PAH: variants seen among roughly 807,000 people sequenced by gnomAD.
PAH encodes the protein phenylalanine hydroxylase.
A neutral mutation model predicts 62.0 loss-of-function variants in PAH; 64 were observed. The ratio of observed to expected loss-of-function variants is 1.03; its 90% CI spans 0.84 to 1.27. PAH has a LOEUF of 1.27. PAH is among the 50% of genes most tolerant of loss of function. PAH has a pLI of 0.00. For synonymous variants in PAH, 195 were observed against 196.2 expected (o/e 0.99, Z 0.05); for missense variants, 579 against 542.8 (o/e 1.07, Z -0.66).
chr12:102,913,583 G>A (rs7138986), intron 1 of PAH, among the ~76,000 whole-genome samples: 68,800 of 152,004 alleles, frequency 0.45, 18,185 homozygotes, highest in African/African-American at 0.73. Context: ...ATATTGAGAA[G>A]TATATAAAAA....
In PAH at chr12:102,897,465, G is replaced by GTGTATATATATA. The variant is rs1491228677; in HGVS notation, c.169-2548_169-2547insTATATATATACA. ...CTCTCATATATATGTGTGTGTGTGT[G>GTGTATATATATA]TATATATATATATATATATATATAT... On this transcript the variant is annotated intron_variant, in intron 2 of 12. Coordinates refer to ENST00000553106, the MANE Select transcript of PAH (RefSeq NM_000277.3). Among the ~76,000 whole-genome samples, 3 of 93,970 alleles carry GTGTATATATATA rather than the reference G, an allele frequency of 3.2e-5. No homozygotes were observed. In the East Asian group the frequency reaches 7.8e-4, roughly 24 times the overall value. The allele number at this position is 93,970 out of a possible 152,430, so 61.6% of individuals were successfully genotyped here. A position where few individuals can be genotyped will look rare whatever the true frequency, so the allele number is the denominator to read the frequency against.
At chr12:102,883,690 G>T (rs186546188) in intron 3 of PAH, among the ~76,000 whole-genome samples, 2 of 152,300 alleles carry the variant, frequency 1.3e-5, no homozygotes, top group East Asian at 3.9e-4. Context: ...CTGCGAGGCT[G>T]CAGGGTGCTC....
At position 102,837,694 on chromosome 12, in the gene PAH, T is replaced by C. The variant is rs1874420340; in HGVS notation, c.*1481A>G. 6.6e-6 allele frequency: 1 copy of C among 152,200 alleles called. No homozygotes were observed. Among genetic ancestry groups the C allele is most frequent in the African/African-American group, 2.4e-5 (1 of 41,454 alleles). The allele number at this position is 152,200 out of a possible 1,614,324, so 9.4% of individuals were successfully genotyped here. ...CTTGAATCATATTTCAAGGCTGCAATGGACCTTGGTTTATAAAGTTTAACT... is the reference window on the plus strand; with the variant it reads ...CTTGAATCATATTTCAAGGCTGCAACGGACCTTGGTTTATAAAGTTTAACT... On this transcript the variant is annotated 3_prime_UTR_variant, in exon 13 of 13. Transcript: ENST00000553106.
intron 2 of PAH, among the ~76,000 whole-genome samples, chr12:102,897,291 A>AC (rs140018526): frequency 6.6e-6 from 1 of 150,850 alleles, no homozygotes; most frequent in African/African-American, 2.5e-5. Flanking sequence ...CTCATTGTTC[A>AC]ATTTTTTATT....
intron 10 of PAH, among the ~76,000 whole-genome samples, 179 bp downstream of exon 10, chr12:102,844,156 CT>C (rs1163061942): frequency 6.6e-6 from 1 of 152,206 alleles, no homozygotes; most frequent in South Asian, 2.1e-4. Flanking sequence ...CCATTTCTAT[CT>C]GTAAAACCCA....
chr12:102,904,226 G>T (rs1467330641), intron 2 of PAH, among the ~76,000 whole-genome samples: 1 of 152,166 alleles, frequency 6.6e-6, no homozygotes, highest in Non-Finnish European at 1.5e-5. Flanking sequence ...CTCACAGGTT[G>T]TGCAACTGGG....
intron 1 of PAH, among the ~76,000 whole-genome samples, chr12:102,924,647 G>A (rs1035609092): frequency 8.5e-5 from 13 of 152,104 alleles, no homozygotes; most frequent in African/African-American, 2.9e-4. Flanking sequence ...AAGAAAACTT[G>A]TTTCCATGCC....
At chr12:102,846,841 G>A in intron 9 of PAH, 54 bp downstream of exon 9, 1 of 1,469,986 alleles carries the variant, frequency 6.8e-7, no homozygotes, top group Non-Finnish European at 9.5e-7. Context: ...TCAAAGACCT[G>A]AGGGCCATAG....
chr12:102,877,406 G>A (rs955108942), intron 4 of PAH, 56 bp downstream of exon 4: 1 of 1,143,444 alleles, frequency 8.7e-7, no homozygotes, highest in Non-Finnish European at 1.3e-6. Context: ...AAGAGGAAGG[G>A]AGGGGAGTGG....
In PAH at chr12:102,937,995, C is replaced by T. The variant is rs530653103; in HGVS notation, c.-96+12594G>A. Among the ~76,000 whole-genome samples, 8 of 152,230 alleles carry T rather than the reference C, an allele frequency of 5.3e-5. No homozygotes were observed. In the South Asian group the frequency reaches 1.2e-3, roughly 24 times the overall value. On this transcript the variant is annotated intron_variant, in intron 1 of 3. Coordinates refer to the PAH transcript ENST00000546844. ...GAGGGTAGGTGCCAAGATGGCTGAC[C>T]GAAGCAGCTACTGTGCACCGCTCTC...
intron 2 of PAH, among the ~76,000 whole-genome samples, chr12:102,900,396 T>A (rs1035931466): frequency 6.6e-6 from 1 of 152,152 alleles, no homozygotes; most frequent in Non-Finnish European, 1.5e-5. Context: ...TGTTAAATGG[T>A]TATAATGATA....
intron 5 of PAH, among the ~76,000 whole-genome samples, chr12:102,858,965 ACTGAGAT>A (rs1875578869): frequency 6.6e-6 from 1 of 152,204 alleles, no homozygotes; most frequent in Non-Finnish European, 1.5e-5. Context: ...GCAAGAAATA[ACTGAGAT>A]CAGAGCAGAA....
In PAH at chr12:102,840,383, A is replaced by G. The variant is rs1874533093; in HGVS notation, c.1315+17T>C. 6.8e-7 allele frequency: 1 copy of G among 1,462,066 alleles called. No homozygotes were observed. Among genetic ancestry groups the G allele is most frequent in the Non-Finnish European group, 9.6e-7 (1 of 1,041,716 alleles). The allele number at this position is 1,462,066 out of a possible 1,614,324, so 90.6% of individuals were successfully genotyped here. The stretch of plus-strand genomic sequence containing the variant: ...TACTGAGAAACCGAGTGGCCTCGTA[A>G]GGTGTAAATTACTTACTGTTAATGG... On this transcript the variant is annotated intron_variant, in intron 12 of 12. Coordinates refer to ENST00000553106, the MANE Select transcript of PAH (RefSeq NM_000277.3).
upstream of PAH, among the ~76,000 whole-genome samples, chr12:102,951,844 A>G (rs1372355526): frequency 6.8e-6 from 1 of 148,114 alleles, no homozygotes; most frequent in Non-Finnish European, 1.5e-5. Flanking sequence ...CGTTGTGCCA[A>G]CTATTTTATC....
At chr12:102,877,327 G>A (rs554543665) in intron 4 of PAH, 135 bp downstream of exon 4, 104 of 773,790 alleles carry the variant, frequency 1.3e-4, no homozygotes, top group East Asian at 1.1e-3. Flanking sequence ...CCCAGCCCTC[G>A]TGTAAATAGG....
intron 4 of PAH, among the ~76,000 whole-genome samples, chr12:102,871,935 AAAAAAAAAAAAAAAAT>A (rs1461687909): frequency 3.3e-4 from 28 of 85,232 alleles, no homozygotes; most frequent in Non-Finnish European, 5.3e-4. Flanking sequence ...AAAAAAAAAA[AAAAAAAAAAAAAAAAT>A]ATATATATAT....
intron 5 of PAH, among the ~76,000 whole-genome samples, chr12:102,862,583 C>A (rs1472322118): frequency 6.6e-6 from 1 of 152,040 alleles, no homozygotes; most frequent in South Asian, 2.1e-4. Context: ...AAAAAAAAGT[C>A]CTTTTGAAAA....
chr12:102,852,664 G>T, intron 7 of PAH, 151 bp downstream of exon 7: 1 of 942,412 alleles, frequency 1.1e-6, no homozygotes, highest in Non-Finnish European at 1.7e-6. Flanking sequence ...CAAATCTCCA[G>T]AATAGATGAA....
intron 5 of PAH, among the ~76,000 whole-genome samples, chr12:102,865,519 A>G (rs80272908): frequency 1.0e-3 from 155 of 152,310 alleles, no homozygotes; most frequent in African/African-American, 3.5e-3. Flanking sequence ...CAAGAAGATA[A>G]TAAGTATGAT....
Sources: gnomAD v4.1 joint callset for allele counts (sites outside exome capture counted in the v4.1 genomes callset) on GRCh38, gnomAD v4.1.1 for gene constraint, MANE v1.5 for transcripts, NCBI Gene and HGNC (gene_info 2026-07-23, HGNC 2026-07-21) for gene names.